The following WDR59 variants were observed in gnomAD, a reference collection of about 807,000 sequenced individuals.
WDR59 encodes the protein GATOR2 complex protein WDR59.
WDR59 carries 100 observed loss-of-function variants against 131.2 expected under a neutral mutation model. The observed-to-expected ratio is 0.76, with a 90% confidence interval of 0.65 to 0.90. The LOEUF is 0.90. Ranked by LOEUF, WDR59 falls within the 40% of genes least tolerant of loss-of-function variation. The pLI is 0.00. For synonymous variants in WDR59, 601 were observed against 466.2 expected (o/e 1.29, Z -3.72); for missense variants, 1,203 against 1,262.2 (o/e 0.95, Z 0.71).
At chr16:74,908,636 G>T (rs1157012450) in intron 17 of WDR59, 1 of 357,160 alleles carries the variant, frequency 2.8e-6, no homozygotes. Context: ...GCTAGCAATA[G>T]GGGAAAGGCA....
intron 7 of WDR59, among the ~76,000 whole-genome samples, chr16:74,940,240 G>A (rs1274631816): frequency 1.3e-5 from 2 of 151,900 alleles, no homozygotes; most frequent in South Asian, 2.1e-4. Flanking sequence ...TTAGCCAGGC[G>A]TGGTGGTGGG....
chr16:74,956,009 G>A (rs982392750), intron 3 of WDR59, among the ~76,000 whole-genome samples: 16 of 151,982 alleles, frequency 1.1e-4, no homozygotes, highest in Admixed American at 2.6e-4. Flanking sequence ...TGGGGTTAAC[G>A]AAATCTAATG....
chr16:74,957,123 C>T (rs1251270294), intron 2 of WDR59, among the ~76,000 whole-genome samples: 1 of 148,698 alleles, frequency 6.7e-6, no homozygotes, highest in Non-Finnish European at 1.5e-5. Context: ...CTCTGTCACC[C>T]AGGCTGGAGT....
chr16:74,909,467 C>G (rs770449312), intron 16 of WDR59, 34 bp downstream of exon 16: 2 of 1,508,726 alleles, frequency 1.3e-6, no homozygotes, highest in African/African-American at 1.4e-5. Flanking sequence ...TGCTCCCTCT[C>G]GAAATCTAGA....
Position 74,915,905 on chromosome 16 carries a change from G to A in WDR59, c.1189C>T (p.Leu397=). ...ACATTCCGGATTTGCACATTGATCA[G>A]GGAGAATTCCTGCTGCAAGGTCTGA... The part of the protein sequence containing the change: ...LPQTLQQEFS[L]INVQIRNVNV... The change falls in exon 13 of 26, where the codon CTG becomes TTG. Residue 397 remains leucine (L), a synonymous_variant. Transcript: ENST00000262144. 6.2e-7 allele frequency: 1 copy of A among 1,614,216 alleles called. No homozygotes were observed. The highest frequency in any genetic ancestry group is 8.5e-7 in the Non-Finnish European group (1 of 1,180,018).
At chr16:74,927,016 C>T (rs1336406212) in intron 8 of WDR59, among the ~76,000 whole-genome samples, 1 of 152,212 alleles carries the variant, frequency 6.6e-6, no homozygotes, top group African/African-American at 2.4e-5. Context: ...GAGCACAGCA[C>T]ATATGAACGG....
At chr16:74,932,050 A>C (rs1029221356) in intron 8 of WDR59, among the ~76,000 whole-genome samples, 1 of 150,592 alleles carries the variant, frequency 6.6e-6, no homozygotes, top group Non-Finnish European at 1.5e-5. Context: ...TTGAATATAT[A>C]ATGTTTAAGC....
At chr16:74,965,912 C>T (rs2033756152) in intron 1 of WDR59, 90 bp from the exon 2 acceptor site, 1 of 1,373,146 alleles carries the variant, frequency 7.3e-7, no homozygotes, top group Non-Finnish European at 1.0e-6. Context: ...CTTCCTGTCT[C>T]CCAAGAAGTC....
At chr16:74,969,889 T>C (rs2033914432) in intron 1 of WDR59, among the ~76,000 whole-genome samples, 1 of 151,998 alleles carries the variant, frequency 6.6e-6, no homozygotes, top group Non-Finnish European at 1.5e-5. Context: ...TAGATTCAAA[T>C]GATCCTCCCA....
At chr16:74,951,776 T>C (rs2033012556) in intron 3 of WDR59, among the ~76,000 whole-genome samples, 1 of 152,176 alleles carries the variant, frequency 6.6e-6, no homozygotes, top group Non-Finnish European at 1.5e-5. Flanking sequence ...AGGACTATCT[T>C]AAGAGATGCA....
chr16:74,906,312 T>TAAAAAAAAAAAAAAAAAAA (rs1965814350), intron 17 of WDR59, among the ~76,000 whole-genome samples: 1 of 340 alleles, frequency 2.9e-3, no homozygotes, highest in Non-Finnish European at 8.2e-3. Flanking sequence ...AGACTCCGTC[T>TAAAAAAAAAAAAAAAAAAA]CAAAAAAAAA....
At chr16:74,916,381 C>T (rs1319740903) in intron 11 of WDR59, 122 bp from the exon 12 acceptor site, 1 of 1,250,986 alleles carries the variant, frequency 8.0e-7, no homozygotes. Flanking sequence ...CAGCCAAGAG[C>T]TGACATAATC....
At chr16:74,920,252 A>G (rs1008007471) in intron 10 of WDR59, among the ~76,000 whole-genome samples, 6 of 152,180 alleles carry the variant, frequency 3.9e-5, no homozygotes, top group African/African-American at 1.4e-4. Context: ...AGTATTCAAT[A>G]AAGTATATGA....
At chr16:74,968,651 G>A (rs1428402714) in intron 1 of WDR59, among the ~76,000 whole-genome samples, 1 of 152,126 alleles carries the variant, frequency 6.6e-6, no homozygotes, top group Non-Finnish European at 1.5e-5. Context: ...AACCCAGGAA[G>A]TGGAGGCTGC....
At chr16:74,981,638 ATATATATATATATATATATATATT>A (rs1307338091) in intron 1 of WDR59, among the ~76,000 whole-genome samples, 3 of 6,636 alleles carry the variant, frequency 4.5e-4, no homozygotes, top group African/African-American at 8.8e-4. Context: ...ATATATATAT[ATATATATATATATATATATATATT>A]TTTTTTTTTT....
At chr16:74,953,012 G>A (rs796448076) in intron 3 of WDR59, among the ~76,000 whole-genome samples, 18 of 152,116 alleles carry the variant, frequency 1.2e-4, no homozygotes, top group African/African-American at 3.6e-4. Context: ...CCACCTTAAC[G>A]AATCTGGCCT....
chr16:74,904,434 G>A (rs1011764644), intron 17 of WDR59: 3 of 234,832 alleles, frequency 1.3e-5, no homozygotes, highest in African/African-American at 7.0e-5. Context: ...CTCATTTATA[G>A]TAGCATTAAA....
chr16:74,971,269 C>A (rs749672279), intron 1 of WDR59, among the ~76,000 whole-genome samples: 9 of 152,014 alleles, frequency 5.9e-5, no homozygotes, highest in Non-Finnish European at 1.2e-4. Context: ...CAATAGCTCA[C>A]TGCATGCTGT....
intron 5 of WDR59, 100 bp downstream of exon 5, chr16:74,949,618 G>T: frequency 1.0e-6 from 1 of 968,352 alleles, no homozygotes; most frequent in Non-Finnish European, 1.6e-6. Context: ...CTTGTCTCGA[G>T]GTCTGTATCG....
Sources: allele counts gnomAD v4.1 joint callset (sites outside exome capture counted in the v4.1 genomes callset), GRCh38; gene constraint gnomAD v4.1.1; transcripts MANE v1.5; gene names NCBI Gene and HGNC (gene_info 2026-07-23, HGNC 2026-07-21).